Variants in RARB observed in about 807,000 individuals in gnomAD.
RARB encodes the protein retinoic acid receptor beta.
Under a neutral mutation model 51.9 loss-of-function variants are expected in RARB, and 17 were observed. That is an observed-to-expected ratio of 0.33 (90% confidence interval 0.22 to 0.49). The LOEUF is 0.49. Among genes scored for constraint, RARB ranks in the 20% least tolerant of loss-of-function variants. The probability of loss-of-function intolerance (pLI) is 0.99; values close to 1 mark genes in which losing one functional copy is unlikely to be tolerated. For missense variants in RARB, 369 were observed against 550.8 expected (o/e 0.67, Z 3.30); for synonymous variants, 215 against 195.4 (o/e 1.10, Z -0.84).
intron 3 of RARB, among the ~76,000 whole-genome samples, chr3:25,096,704 G>C (rs1263470892): frequency 6.6e-6 from 1 of 152,132 alleles, no homozygotes; most frequent in East Asian, 1.9e-4. Context: ...GGCTGAGTGG[G>C]TGTGTTTCAC....
intron 2 of RARB, among the ~76,000 whole-genome samples, chr3:24,860,154 T>TA (rs750452862): frequency 1.1e-4 from 16 of 152,184 alleles, no homozygotes; most frequent in Non-Finnish European, 2.4e-4. Flanking sequence ...TCAGAGGGGT[T>TA]AGTGCCTCTT....
rs548816714 is a variant in RARB, at chr3:25,034,338, A to G, written c.-379-25787A>G. Among the ~76,000 whole-genome samples, 11 of 152,316 alleles carry G rather than the reference A, an allele frequency of 7.2e-5. No homozygotes were observed. The South Asian group carries it at 2.3e-3, about 32-fold the overall frequency. ...AAAAAAAGAATAGCTGCCTGGATAT[A>G]TTTCAGATCTCTCAGTTGTGTGTCG... On this transcript the variant is annotated intron_variant, in intron 2 of 11. Transcript: ENST00000383772.
intron 2 of RARB, among the ~76,000 whole-genome samples, chr3:24,958,664 G>C (rs78315905): frequency 0.02 from 3,066 of 152,248 alleles, 100 homozygotes; most frequent in African/African-American, 0.071. Flanking sequence ...GAGAACTAAA[G>C]CATGTGTTTA....
intron 2 of RARB, among the ~76,000 whole-genome samples, chr3:24,861,611 A>C (rs958508127): frequency 1.7e-5 from 2 of 116,534 alleles, no homozygotes. Context: ...AAAAAAAAAA[A>C]AAAACCTTTC....
intron 4 of RARB, among the ~76,000 whole-genome samples, chr3:25,136,113 G>A (rs773344167): frequency 2.0e-5 from 3 of 151,880 alleles, no homozygotes; most frequent in South Asian, 2.1e-4. Context: ...CGTGCTGTCC[G>A]AAAACCTCAG....
intron 3 of RARB, among the ~76,000 whole-genome samples, chr3:25,103,838 T>C (rs1017185579): frequency 9.2e-5 from 14 of 152,126 alleles, no homozygotes; most frequent in Non-Finnish European, 1.6e-4. Flanking sequence ...TCATTCTTTC[T>C]GTGTCTCTGC....
intron 2 of RARB, among the ~76,000 whole-genome samples, chr3:24,975,772 T>TA (rs1696497699): frequency 6.7e-6 from 1 of 149,242 alleles, no homozygotes; most frequent in South Asian, 2.1e-4. Context: ...GGCTGTGATT[T>TA]TTTTTTTGTT....
Position 25,583,165 on chromosome 3 carries a change from C to G in RARB, c.786+2443C>G, listed in dbSNP as rs2125309704. 3.3e-5 allele frequency among the ~76,000 whole-genome samples: 5 copies of G among 152,238 alleles called. No homozygotes were observed. The South Asian group carries it at 1.0e-3, about 32-fold the overall frequency. On this transcript the variant is annotated intron_variant, in intron 5 of 7. Coordinates refer to ENST00000330688, the MANE Select transcript of RARB (RefSeq NM_000965.5). ...AAGTTCGAAGGAATACCCATTTGGCCCTAGGCAAGAGCTTGTTTCCAAGAA... is the reference window on the plus strand; with the variant it reads ...AAGTTCGAAGGAATACCCATTTGGCGCTAGGCAAGAGCTTGTTTCCAAGAA...
At chr3:25,255,491 T>C (rs1702842641) in intron 5 of RARB, among the ~76,000 whole-genome samples, 1 of 152,154 alleles carries the variant, frequency 6.6e-6, no homozygotes, top group Non-Finnish European at 1.5e-5. Context: ...CAATTGAGCT[T>C]CGAGTTTGAA....
At chr3:25,478,341 T>G (rs181929389) in intron 2 of RARB, among the ~76,000 whole-genome samples, 94 of 152,328 alleles carry the variant, frequency 6.2e-4, no homozygotes, top group African/African-American at 2.1e-3. Flanking sequence ...TGCTGCAGAC[T>G]GAGTTTAGTT....
intron 3 of RARB, among the ~76,000 whole-genome samples, chr3:25,564,702 T>C (rs1205071829): frequency 2.0e-5 from 3 of 152,166 alleles, no homozygotes; most frequent in Non-Finnish European, 4.4e-5. Flanking sequence ...ACAAGTAACA[T>C]GTGGCCCTTG....
chr3:25,060,525 G>T (rs914040956), intron 3 of RARB, among the ~76,000 whole-genome samples: 1 of 151,844 alleles, frequency 6.6e-6, no homozygotes, highest in Non-Finnish European at 1.5e-5. Flanking sequence ...TTGCTGTTGT[G>T]TTGCAAAAGC....
At chr3:25,104,210 A>ATTTC in intron 3 of RARB, among the ~76,000 whole-genome samples, 1 of 152,338 alleles carries the variant, frequency 6.6e-6, no homozygotes, top group South Asian at 2.1e-4. Flanking sequence ...CTAAATTGAA[A>ATTTC]AAGACGGACA....
chr3:25,260,997 A>G (rs753502686), intron 5 of RARB, among the ~76,000 whole-genome samples: 69 of 152,212 alleles, frequency 4.5e-4, no homozygotes, highest in Non-Finnish European at 6.6e-4. Context: ...CACTTAACCT[A>G]TGTTTCTATT....
chr3:25,397,199 G>T (rs1707139870), intron 5 of RARB, among the ~76,000 whole-genome samples: 1 of 152,136 alleles, frequency 6.6e-6, no homozygotes, highest in South Asian at 2.1e-4. Flanking sequence ...CTTCCCTGGG[G>T]ACTGTGTGCC....
Position 25,111,051 on chromosome 3 carries a change from C to A in RARB, c.-327-21110C>A, listed in dbSNP as rs4858706. ...TGGCTCTCTTTCCAGCCTCTTGAGT[C>A]TTTCTAAGGCTTGGCAGGATTATTT... On this transcript the variant is annotated intron_variant, in intron 3 of 11. Transcript: ENST00000383772. Among the ~76,000 whole-genome samples, 1,149 of 152,226 alleles carry A rather than the reference C, an allele frequency of 7.5e-3. 55 individuals are homozygous for A. The highest frequency in any genetic ancestry group is 0.068 in the Admixed American group (1,035 of 15,280).
intron 3 of RARB, among the ~76,000 whole-genome samples, chr3:25,517,799 AT>A (rs1286033056): frequency 6.6e-6 from 1 of 152,174 alleles, no homozygotes; most frequent in African/African-American, 2.4e-5. Flanking sequence ...ACAACAGAAT[AT>A]TTTTCATCCA....
chr3:25,417,299 C>G (rs73145471), intron 5 of RARB, among the ~76,000 whole-genome samples: 2,640 of 151,942 alleles, frequency 0.017, 76 homozygotes, highest in African/African-American at 0.06. Flanking sequence ...ACTGACCAGT[C>G]CTCCCAGCAA....
At chr3:25,198,209 C>T (rs1701295378) in intron 5 of RARB, among the ~76,000 whole-genome samples, 1 of 152,090 alleles carries the variant, frequency 6.6e-6, no homozygotes, top group Non-Finnish European at 1.5e-5. Context: ...CCTGGGAAAA[C>T]TGGATGTCCA....
Sources: allele counts gnomAD v4.1 joint callset (sites outside exome capture counted in the v4.1 genomes callset), GRCh38; gene constraint gnomAD v4.1.1; transcripts MANE v1.5; gene names NCBI Gene and HGNC (gene_info 2026-07-23, HGNC 2026-07-21).